Variants in ST7 observed in about 807,000 individuals in gnomAD.
The protein encoded by ST7 is suppression of tumorigenicity 7.
ST7 carries 28 observed loss-of-function variants against 78.7 expected under a neutral mutation model. The ratio of observed to expected loss-of-function variants is 0.36; its 90% confidence interval spans 0.26 to 0.49. The LOEUF is 0.49. Ranked by LOEUF, ST7 falls within the 20% of genes least tolerant of loss-of-function variation. The pLI, the probability that ST7 is intolerant of heterozygous loss-of-function variation, is 0.99. For missense variants in ST7, 418 were observed against 696.0 expected, an observed-to-expected ratio of 0.60 and a Z score of 4.49; for synonymous variants, 247 against 249.6, an observed-to-expected ratio of 0.99 and a Z score of 0.10.
At chr7:117,200,841 A>AG (rs1563163451) in intron 12 of ST7, among the ~76,000 whole-genome samples, 2 of 151,488 alleles carry the variant, frequency 1.3e-5, no homozygotes, top group Non-Finnish European at 2.9e-5. Flanking sequence ...TTTTAAAAAA[A>AG]AAAGAAAGCT....
intron 1 of ST7, among the ~76,000 whole-genome samples, chr7:116,987,272 A>G (rs367956502): frequency 6.6e-6 from 1 of 152,192 alleles, no homozygotes; most frequent in East Asian, 1.9e-4. Context: ...TTCATCTTTA[A>G]GTATCTAACT....
intron 10 of ST7, 58 bp downstream of exon 10, chr7:117,171,034 G>T: frequency 1.7e-6 from 2 of 1,147,096 alleles, no homozygotes; most frequent in South Asian, 1.6e-5. Flanking sequence ...TATTTTCCCT[G>T]ATTAGATTAG....
At chr7:117,169,534 ACTTC>A (rs1265471109) in intron 9 of ST7, among the ~76,000 whole-genome samples, 4 of 152,030 alleles carry the variant, frequency 2.6e-5, no homozygotes, top group African/African-American at 9.7e-5. Context: ...ATATATTTTA[ACTTC>A]CTTTGGGCCT....
intron 1 of ST7, among the ~76,000 whole-genome samples, chr7:117,001,474 G>A (rs115236367): frequency 1.9e-3 from 287 of 152,282 alleles, no homozygotes; most frequent in African/African-American, 5.8e-3. Flanking sequence ...GAAAAAGGGG[G>A]TTTATGTCTG....
intron 9 of ST7, among the ~76,000 whole-genome samples, chr7:117,163,294 A>G (rs1807295190): frequency 6.6e-6 from 1 of 152,164 alleles, no homozygotes; most frequent in African/African-American, 2.4e-5. Context: ...ATAAATGCCC[A>G]GTAGTGGGAT....
chr7:116,986,218 A>G (rs931052882), intron 1 of ST7, among the ~76,000 whole-genome samples: 3 of 152,186 alleles, frequency 2.0e-5, no homozygotes, highest in Non-Finnish European at 4.4e-5. Context: ...AAGTGGGATG[A>G]TTCTGCTGTT....
chr7:117,045,449 G>A (rs376105833), intron 1 of ST7, among the ~76,000 whole-genome samples: 3 of 152,026 alleles, frequency 2.0e-5, no homozygotes, highest in Admixed American at 1.3e-4. Flanking sequence ...CCTCTTTCCG[G>A]AATGTTCTTT....
chr7:117,119,743 C>T (rs748158291), intron 3 of ST7, 23 bp downstream of exon 3: 9 of 1,607,056 alleles, frequency 5.6e-6, no homozygotes, highest in Admixed American at 1.7e-5. Flanking sequence ...CTTCAGTTTG[C>T]AATATTATTT....
At chr7:117,031,135 A>G (rs575506745) in intron 1 of ST7, among the ~76,000 whole-genome samples, 1 of 152,160 alleles carries the variant, frequency 6.6e-6, no homozygotes, top group Admixed American at 6.5e-5. Flanking sequence ...GACGTAAATA[A>G]TGAGAACACA....
At chr7:117,078,135 A>G (rs974697809) in intron 1 of ST7, among the ~76,000 whole-genome samples, 1 of 152,164 alleles carries the variant, frequency 6.6e-6, no homozygotes, top group African/African-American at 2.4e-5. Context: ...TGATCCCTAA[A>G]TCTTTTCTAG....
At chr7:117,191,679 G>A (rs561747474) in intron 12 of ST7, 3 of 152,042 alleles carry the variant, frequency 2.0e-5, no homozygotes, top group African/African-American at 4.8e-5. Flanking sequence ...TCTGAGGGAG[G>A]AAAAAAAGTA....
At chr7:117,052,469 T>C (rs1480348615) in intron 1 of ST7, among the ~76,000 whole-genome samples, 1 of 152,262 alleles carries the variant, frequency 6.6e-6, no homozygotes, top group Non-Finnish European at 1.5e-5. Context: ...TCTCATCAGG[T>C]ATTATTCTTT....
chr7:117,197,320 C>T (rs1810411092), intron 12 of ST7, among the ~76,000 whole-genome samples: 1 of 152,170 alleles, frequency 6.6e-6, no homozygotes. Flanking sequence ...GTGCACACAG[C>T]GTAATCTACT....
intron 1 of ST7, among the ~76,000 whole-genome samples, chr7:116,980,708 A>G (rs1793920474): frequency 6.6e-6 from 1 of 152,198 alleles, no homozygotes; most frequent in Admixed American, 6.5e-5. Context: ...AGTACAGTAC[A>G]GTTTTTTCTT....
rs1263857392 is a variant in ST7 at position 117,136,191 on chromosome 7, C to T, written c.821C>T (p.Ser274Phe). 3 of 1,613,634 alleles carry T rather than the reference C, an allele frequency of 1.9e-6. No individual in the cohort carries two copies. Among genetic ancestry groups the T allele is most frequent in the Non-Finnish European group, 2.5e-6 (3 of 1,179,712 alleles). ...LKAGDGCYRR[S>F]QQLQHHGSQY... is the part of the protein sequence containing the mutation. ...GCTGGAGATGGCTGTTACCGACGCTCTCAGCAGCTACAACATCATGGATCC... is the reference window on the plus strand; with the variant it reads ...GCTGGAGATGGCTGTTACCGACGCTTTCAGCAGCTACAACATCATGGATCC... The change falls in exon 8 of 16, where the codon TCT becomes TTT. Residue 274 changes from serine to phenylalanine, a missense_variant. By Grantham distance (155) the Ser-to-Phe change is radical (BLOSUM62 -2). Coordinates refer to ENST00000323984, the MANE Select transcript of ST7 (RefSeq NM_001369598.1).
Position 116,979,958 on chromosome 7 carries a change from C to CTTTTTTTTTTTTT in ST7, c.151+26272_151+26284dup, listed in dbSNP as rs745530832. On this transcript the variant is annotated intron_variant, in intron 1 of 15. Coordinates refer to ENST00000323984, the MANE Select transcript of ST7 (RefSeq NM_001369598.1). ...CCTTTTTTCTTTTTCTTTTGTTTCTCTTTTTTTTTTTTTTTTTGGAGACAG... is the reference window on the plus strand; with the variant it reads ...CCTTTTTTCTTTTTCTTTTGTTTCTCTTTTTTTTTTTTTTTTTTTTTTTTTTTTTTGGAGACAG... Among the ~76,000 whole-genome samples, 46 of 86,252 alleles carry CTTTTTTTTTTTTT rather than the reference C, an allele frequency of 5.3e-4. 2 individuals carry two copies. Among genetic ancestry groups the CTTTTTTTTTTTTT allele is most frequent in the Admixed American group, 5.9e-4 (3 of 5,112 alleles). 56.6% of individuals were successfully genotyped at this position (86,252 alleles called of 152,430 possible).
Position 117,054,333 on chromosome 7 carries a change from T to C in ST7, c.152-45429T>C, listed in dbSNP as rs116069370. Among the ~76,000 whole-genome samples the C allele has an allele frequency of 5.1e-3, 782 of 152,336 alleles. 6 individuals carry two copies. The highest frequency in any genetic ancestry group is 0.018 in the African/African-American group (742 of 41,576). On this transcript the variant is annotated intron_variant, in intron 1 of 15. Transcript: ENST00000323984. ...TGTGTCTCTCTACTGGCCTCCATTC[T>C]TGGAATTGTCAAGCTGGTCTCCAGT...
intron 1 of ST7, among the ~76,000 whole-genome samples, chr7:117,096,183 C>G (rs899709815): frequency 1.3e-5 from 2 of 150,666 alleles, no homozygotes; most frequent in African/African-American, 4.9e-5. Flanking sequence ...ATCAGGCCCT[C>G]ATATGTTTTC....
At chr7:116,978,774 A>G (rs756237406) in intron 1 of ST7, among the ~76,000 whole-genome samples, 2 of 152,054 alleles carry the variant, frequency 1.3e-5, no homozygotes, top group Non-Finnish European at 2.9e-5. Context: ...TTTAGTAGAG[A>G]CAGAGTTTTG....
Sources: allele counts gnomAD v4.1 joint callset (sites outside exome capture counted in the v4.1 genomes callset), GRCh38; gene constraint gnomAD v4.1.1; transcripts MANE v1.5; gene names NCBI Gene and HGNC (gene_info 2026-07-23, HGNC 2026-07-21).